TSTD2: variants seen among roughly 807,000 people sequenced by gnomAD.
The protein encoded by TSTD2 is thiosulfate sulfurtransferase like domain containing 2.
TSTD2 carries 37 observed loss-of-function variants against 47.9 expected under a neutral mutation model. The ratio of observed to expected loss-of-function variants is 0.77; its 90% CI spans 0.59 to 1.02. The LOEUF is 1.02. Ranked by LOEUF, TSTD2 falls within the 50% of genes least tolerant of loss-of-function variation. The pLI is 0.00. For missense variants in TSTD2, 586 were observed against 616.0 expected, an observed-to-expected ratio of 0.95 and a Z score of 0.52; for synonymous variants, 201 against 215.9, an observed-to-expected ratio of 0.93 and a Z score of 0.61.
chr9:97,604,082 C>G (rs563119947), intron 9 of TSTD2: 1 of 152,320 alleles, frequency 6.6e-6, no homozygotes, highest in South Asian at 2.1e-4. Context: ...TTTTCAAAAT[C>G]TGTAATATAT....
In TSTD2 at chr9:97,625,708, C is replaced by T; in HGVS notation, c.455G>A (p.Ser152Asn). 1.2e-6 allele frequency: 2 copies of T among 1,613,600 alleles called. No homozygotes were observed. Among genetic ancestry groups the T allele is most frequent in the Non-Finnish European group, 1.7e-6 (2 of 1,179,760 alleles). Residue 152 changes from serine (S) to asparagine (N), a missense_variant, in exon 3 of 10, where the codon AGC (serine) becomes AAC (asparagine). Physicochemically the swap from Ser to Asn is conservative, Grantham distance 46. Transcript: ENST00000341170. ...HDVSAWLPDI[S>N]CFNPDELISG... ...TATCAGCTCATCAGGGTTAAAGCAG[C>T]TTATATCAGGGAGCCAAGCAGACAC...
rs1826352528 is a variant in TSTD2 at position 97,605,598 on chromosome 9, C to T, written c.998G>A (p.Ser333Asn). 2 of 1,614,130 alleles carry T rather than the reference C, an allele frequency of 1.2e-6. No individual in the cohort carries two copies. The highest frequency in any genetic ancestry group is 1.1e-5 in the South Asian group (1 of 91,090). ...GCLAPDIRKFSYFPSYVDKNL... is the reference protein window; with the variant it reads ...GCLAPDIRKFNYFPSYVDKNL... The stretch of plus-strand genomic sequence containing the variant: ...TTTGTCAACGTAGCTAGGGAAGTAA[C>T]TGAATTTCCTGATGTCTGGGGCTAA... Residue 333 changes from serine (S) to asparagine (N), a missense_variant, in exon 8 of 10, where the codon AGT becomes AAT. Coordinates refer to ENST00000341170, the MANE Select transcript of TSTD2 (RefSeq NM_139246.5).
At chr9:97,621,520 A>AT in intron 3 of TSTD2, among the ~76,000 whole-genome samples, 1 of 152,212 alleles carries the variant, frequency 6.6e-6, no homozygotes, top group African/African-American at 2.4e-5. Flanking sequence ...AGTAGAAGAA[A>AT]TATCGCTGAA....
Position 97,604,630 on chromosome 9 carries a change from A to G in TSTD2, c.1252+97T>C, listed in dbSNP as rs923240082. ...TTCCCTGCTTATTCAGTGCTCAGTA[A>G]TGAGCACTGGCCTGTCTTCCCTGTG... is the stretch of plus-strand genomic sequence containing the variant. On this transcript the variant is annotated intron_variant, in intron 9 of 9. Transcript: ENST00000341170. 6.6e-6 allele frequency: 10 copies of G among 1,515,690 alleles called. No homozygotes were observed. In the Admixed American group the frequency reaches 1.6e-4, roughly 24 times the overall value. 93.9% of individuals were successfully genotyped at this position (1,515,690 alleles called of 1,614,324 possible).
At chr9:97,611,481 T>G in intron 5 of TSTD2, 93 bp downstream of exon 5, 1 of 1,394,348 alleles carries the variant, frequency 7.2e-7, no homozygotes, top group East Asian at 2.3e-5. Context: ...TATTTGGCAC[T>G]GCTTATTTCT....
At chr9:97,627,695 A>G in intron 1 of TSTD2, 83 bp from the exon 2 acceptor site, 1 of 896,140 alleles carries the variant, frequency 1.1e-6, no homozygotes, top group Non-Finnish European at 1.7e-6. Flanking sequence ...CACGCAAATC[A>G]GCATGGGCAA....
In TSTD2 at chr9:97,615,212, G is replaced by A. The variant is rs1480883864; in HGVS notation, c.603+2545C>T. Among the ~76,000 whole-genome samples, 7 of 152,230 alleles carry A rather than the reference G, an allele frequency of 4.6e-5. 1 individual carries two copies. In the South Asian group the frequency reaches 6.2e-4, roughly 14 times the overall value. ...GATTCTCTAACAGAAATCCTTCAAA[G>A]CTCCTTAGTGAGGAAGGCCTTGTAA... On this transcript the variant is annotated intron_variant, in intron 4 of 9. Transcript: ENST00000341170.
At position 97,605,588 on chromosome 9, in the gene TSTD2, A is replaced by G. The variant is rs143420859; in HGVS notation, c.1008T>C (p.Pro336=). 182 of 1,614,242 alleles carry G rather than the reference A, an allele frequency of 1.1e-4. 1 individual carries two copies. The African/African-American group carries it at 2.2e-3, about 19-fold the overall frequency. The change falls in exon 8 of 10, where the codon CCT becomes CCC. Residue 336 remains proline (P), a synonymous_variant. Coordinates refer to ENST00000341170, the MANE Select transcript of TSTD2 (RefSeq NM_139246.5). ...GTTCTAGATTTTTGTCAACGTAGCT[A>G]GGGAAGTAACTGAATTTCCTGATGT... ...APDIRKFSYF[P]SYVDKNLELF...
chr9:97,606,694 A>C (rs1263869766), intron 6 of TSTD2, among the ~76,000 whole-genome samples: 2 of 152,226 alleles, frequency 1.3e-5, no homozygotes, highest in Non-Finnish European at 2.9e-5. Flanking sequence ...TACGTGGCTG[A>C]CTACAGGCTT....
At chr9:97,622,653 G>A (rs1035337846) in intron 3 of TSTD2, among the ~76,000 whole-genome samples, 3 of 152,352 alleles carry the variant, frequency 2.0e-5, no homozygotes, top group African/African-American at 7.2e-5. Context: ...GGCTATACCC[G>A]CAAAGCCACA....
rs774732151 is a variant in TSTD2, at chr9:97,610,329, T to A, written c.835+17A>T. 13 of 1,598,438 alleles carry A rather than the reference T, an allele frequency of 8.1e-6. No homozygotes were observed. In the East Asian group the frequency reaches 3.0e-4, roughly 36 times the overall value. ...GTCCCTGTGAATTAAAGCACAATCT[T>A]CTAAAAGCAAGCATACCAGGCTTCT... On this transcript the variant is annotated intron_variant, in intron 6 of 9. Coordinates refer to ENST00000341170, the MANE Select transcript of TSTD2 (RefSeq NM_139246.5).
chr9:97,621,287 T>C (rs1287435495), intron 3 of TSTD2, among the ~76,000 whole-genome samples: 2 of 152,212 alleles, frequency 1.3e-5, no homozygotes, highest in East Asian at 3.9e-4. Context: ...AATCCCGTCA[T>C]CTTCATAAGC....
chr9:97,610,383 C>T lies in TSTD2; in HGVS notation c.798G>A (p.Met266Ile). 2 of 1,603,162 alleles carry T rather than the reference C, an allele frequency of 1.2e-6. No homozygotes were observed. Among genetic ancestry groups the T allele is most frequent in the Non-Finnish European group, 8.5e-7 (1 of 1,175,654 alleles). The change falls in exon 6 of 10, where the codon ATG (methionine) becomes ATA (isoleucine). Residue 266 changes from methionine to isoleucine, a missense_variant. Physicochemically the swap from Met to Ile is conservative, Grantham distance 10. Transcript: ENST00000341170. ...RVGVFEEIVP[M>I]GISPKKISYK... ...AGGAGATCTTTTTGGGGCTGATCCCCATGGGCACGATTTCTTCAAATACAC... is the reference window on the plus strand; with the variant it reads ...AGGAGATCTTTTTGGGGCTGATCCCTATGGGCACGATTTCTTCAAATACAC...
intron 9 of TSTD2, chr9:97,604,212 A>G (rs58387091): frequency 0.12 from 17,989 of 152,786 alleles, 3,015 homozygotes; most frequent in African/African-American, 0.37. Flanking sequence ...TGAGGCAACT[A>G]GAACATGATA....
intron 4 of TSTD2, among the ~76,000 whole-genome samples, chr9:97,617,182 G>A (rs955778957): frequency 2.0e-5 from 3 of 152,198 alleles, no homozygotes; most frequent in African/African-American, 7.2e-5. Context: ...GACAATATGT[G>A]AGCCGAGATC....
intron 4 of TSTD2, 73 bp from the exon 5 acceptor site, chr9:97,611,772 G>A: frequency 2.7e-6 from 4 of 1,480,936 alleles, no homozygotes; most frequent in Non-Finnish European, 3.7e-6. Flanking sequence ...AGAACAATAG[G>A]CTCATGTGTG....
chr9:97,621,936 T>A (rs1826644928), intron 3 of TSTD2, among the ~76,000 whole-genome samples: 2 of 152,136 alleles, frequency 1.3e-5, no homozygotes, highest in African/African-American at 4.8e-5. Context: ...AAATCCCTAA[T>A]AAAAACATGC....
At chr9:97,618,810 T>C (rs1296218996) in intron 3 of TSTD2, among the ~76,000 whole-genome samples, 1 of 152,350 alleles carries the variant, frequency 6.6e-6, no homozygotes, top group Admixed American at 6.5e-5. Context: ...AGCCTCATCA[T>C]ATTTCAGGGC....
intron 2 of TSTD2, among the ~76,000 whole-genome samples, chr9:97,626,860 A>C (rs1207909599): frequency 6.6e-6 from 1 of 152,220 alleles, no homozygotes; most frequent in Non-Finnish European, 1.5e-5. Context: ...GAGTTCTATC[A>C]GTATTTTTTA....
Sources: gnomAD v4.1 joint callset for allele counts (sites outside exome capture counted in the v4.1 genomes callset) on GRCh38, gnomAD v4.1.1 for gene constraint, MANE v1.5 for transcripts, NCBI Gene and HGNC (gene_info 2026-07-23, HGNC 2026-07-21) for gene names.